The following MRPS33 variants were observed in gnomAD, a reference collection of about 807,000 sequenced individuals.
MRPS33 encodes small ribosomal subunit protein mS33.
Under a neutral mutation model 11.2 loss-of-function variants are expected in MRPS33, and 11 were observed. The observed-to-expected ratio is 0.99, with a 90% confidence interval of 0.62 to 1.63. MRPS33 has a LOEUF of 1.63. Ranked by LOEUF, MRPS33 falls within the 40% of genes most tolerant of loss-of-function variation. The pLI is 0.00. For synonymous variants in MRPS33, 46 were observed against 44.0 expected, an observed-to-expected ratio of 1.05 and a Z score of -0.18; for missense variants, 109 against 127.8, an observed-to-expected ratio of 0.85 and a Z score of 0.71.
chr7:141,006,116 T>G lies in MRPS33; in HGVS notation c.*314A>C. 1 of 340,762 alleles carries G rather than the reference T, an allele frequency of 2.9e-6. No individual in the cohort carries two copies. Among genetic ancestry groups the G allele is most frequent in the Admixed American group, 4.5e-5 (1 of 22,316 alleles). 21.1% of individuals were successfully genotyped at this position (340,762 alleles called of 1,614,324 possible). A position where few individuals can be genotyped will look rare whatever the true frequency, so the allele number is the denominator to read the frequency against. ...CTATAGGATGCTCACTTAATGAGGT[T>G]TCCCCTCCATTCCCCCAGCATCCCA... is the stretch of plus-strand genomic sequence containing the variant. On this transcript the variant is annotated 3_prime_UTR_variant, in exon 3 of 3. Coordinates refer to ENST00000324787, the MANE Select transcript of MRPS33 (RefSeq NM_053035.3).
chr7:141,006,076 G>T lies in MRPS33; in HGVS notation c.*354C>A. 1 of 193,904 alleles carries T rather than the reference G, an allele frequency of 5.2e-6. No individual in the cohort carries two copies. Among genetic ancestry groups the T allele is most frequent in the Non-Finnish European group, 1.1e-5 (1 of 95,144 alleles). 12.0% of individuals were successfully genotyped at this position (193,904 alleles called of 1,614,324 possible). A position where few individuals can be genotyped will look rare whatever the true frequency, so the allele number is the denominator to read the frequency against. ...GCTGGGTGAGTCAGTAAGCAAGAAG[G>T]GAGAAATGAGGACACTATAGGATGC... On this transcript the variant is annotated 3_prime_UTR_variant, in exon 3 of 3. Coordinates refer to ENST00000324787, the MANE Select transcript of MRPS33 (RefSeq NM_053035.3).
At chr7:141,012,173 C>CCAAAAAAAAA (rs1820690710) in intron 1 of MRPS33, among the ~76,000 whole-genome samples, 1 of 58,782 alleles carries the variant, frequency 1.7e-5, no homozygotes, top group African/African-American at 8.0e-5. Context: ...GATTGTGTGT[C>CCAAAAAAAAA]AAAAAAAAAA....
Position 141,006,376 on chromosome 7 carries a change from C to G in MRPS33, c.*54G>C. On this transcript the variant is annotated 3_prime_UTR_variant, in exon 3 of 3. Transcript: ENST00000324787. ...CCAATAGGTGGAAAGACAATAAATG[C>G]ACTTTCTTCTCTCCGCCACTGAGGA... 1 of 1,427,184 alleles carries G rather than the reference C, an allele frequency of 7.0e-7. No homozygotes were observed. The highest frequency in any genetic ancestry group is 2.3e-5 in the East Asian group (1 of 43,952). The allele number at this position is 1,427,184 out of a possible 1,614,324, so 88.4% of individuals were successfully genotyped here.
intron 1 of MRPS33, 155 bp downstream of exon 1, chr7:141,014,756 C>T (rs1820758993): frequency 6.6e-6 from 1 of 152,154 alleles, no homozygotes; most frequent in Non-Finnish European, 1.5e-5. Flanking sequence ...CAGAAAAAGG[C>T]CAAGTTATTT....
At chr7:141,013,908 A>T (rs1820738493) in intron 1 of MRPS33, among the ~76,000 whole-genome samples, 1 of 152,224 alleles carries the variant, frequency 6.6e-6, no homozygotes, top group Non-Finnish European at 1.5e-5. Context: ...AAAGGTAAAG[A>T]TGAAGTGCAA....
intron 1 of MRPS33, among the ~76,000 whole-genome samples, chr7:141,011,433 C>A (rs568696705): frequency 6.6e-6 from 1 of 152,232 alleles, no homozygotes; most frequent in South Asian, 2.1e-4. Context: ...CAGAGACATA[C>A]AACACTGAAA....
intron 2 of MRPS33, among the ~76,000 whole-genome samples, chr7:141,008,324 A>G (rs1473685973): frequency 1.3e-5 from 2 of 152,230 alleles, no homozygotes; most frequent in Non-Finnish European, 2.9e-5. Flanking sequence ...TTCATGGGTT[A>G]TAATCTTCTC....
At chr7:141,012,710 A>T (rs1326849159) in intron 1 of MRPS33, among the ~76,000 whole-genome samples, 1 of 152,218 alleles carries the variant, frequency 6.6e-6, no homozygotes, top group Non-Finnish European at 1.5e-5. Flanking sequence ...ACAGTTAGTT[A>T]TCTGTAAGCT....
chr7:141,006,498 G>A lies in MRPS33; in HGVS notation c.253C>T (p.Leu85=). 1 of 1,613,880 alleles carries A rather than the reference G, an allele frequency of 6.2e-7. No individual in the cohort carries two copies. The highest frequency in any genetic ancestry group is 1.1e-5 in the South Asian group (1 of 91,078). ...HQDFMDEQKR[L]KKLRGKEKPK... ...TTCTCCTTTCCACGAAGCTTCTTTAGTCGTTTTTGCTCATCCATAAAATCC... is the reference window on the plus strand; with the variant it reads ...TTCTCCTTTCCACGAAGCTTCTTTAATCGTTTTTGCTCATCCATAAAATCC... The change falls in exon 3 of 3, where the codon CTA becomes TTA. Residue 85 remains leucine, a synonymous_variant. Coordinates refer to ENST00000324787, the MANE Select transcript of MRPS33 (RefSeq NM_053035.3).
chr7:141,006,671 T>C (rs979819416), intron 2 of MRPS33, 136 bp from the exon 3 acceptor site: 1 of 720,628 alleles, frequency 1.4e-6, no homozygotes, highest in African/African-American at 1.8e-5. Context: ...ATGCTCAGCT[T>C]GGTGAACAAA....
In MRPS33 at chr7:141,005,915, C is replaced by T. The variant is rs921110403; in HGVS notation, c.*515G>A. ...TCTTGTACAGAGCAGGTATTCAATA[C>T]TTCCTTTTAAAAGATACTTACTCTA... is the stretch of plus-strand genomic sequence containing the variant. On this transcript the variant is annotated 3_prime_UTR_variant, in exon 3 of 3. Coordinates refer to ENST00000324787, the MANE Select transcript of MRPS33 (RefSeq NM_053035.3). The T allele has an allele frequency of 2.6e-5, 4 of 156,514 alleles. No homozygotes were observed. The highest frequency in any genetic ancestry group is 9.6e-5 in the African/African-American group (4 of 41,452). 9.7% of individuals were successfully genotyped at this position (156,514 alleles called of 1,614,324 possible). A position where few individuals can be genotyped will look rare whatever the true frequency, so the allele number is the denominator to read the frequency against.
intron 1 of MRPS33, among the ~76,000 whole-genome samples, chr7:141,011,700 G>T (rs1820677316): frequency 6.6e-6 from 1 of 152,008 alleles, no homozygotes; most frequent in Non-Finnish European, 1.5e-5. Flanking sequence ...TGATATTCAA[G>T]CAGGAAAAAG....
rs369862542 is a variant in MRPS33, at chr7:141,010,443, G to A, written c.191C>T (p.Thr64Met). The change falls in exon 2 of 3, where the codon ACG becomes ATG. Residue 64 changes from threonine to methionine, a missense_variant. Physicochemically the swap from Thr to Met is moderately conservative, Grantham distance 81. Transcript: ENST00000324787. ...NHHTYAELMQ[T>M]LRFLGLYRDE... ...CCTGTAGAGTCCAAGAAATCGGAGC[G>A]TCTGCATGAGTTCAGCGTAAGTGTG... 148 of 1,614,032 alleles carry A rather than the reference G, an allele frequency of 9.2e-5. No individual in the cohort carries two copies. The highest frequency in any genetic ancestry group is 1.1e-4 in the Non-Finnish European group (133 of 1,180,046).
In MRPS33 at chr7:141,003,605, C is replaced by T. The variant is rs1820456183; in HGVS notation, c.*2825G>A. 6.6e-6 allele frequency: 1 copy of T among 152,260 alleles called. No homozygotes were observed. The highest frequency in any genetic ancestry group is 1.5e-5 in the Non-Finnish European group (1 of 68,054). 9.4% of individuals were successfully genotyped at this position (152,260 alleles called of 1,614,324 possible). On this transcript the variant is annotated 3_prime_UTR_variant, in exon 3 of 3. Transcript: ENST00000324787. The stretch of plus-strand genomic sequence containing the variant: ...AAGCTCTTCCATCGGCAAACCAATA[C>T]ATCGATTCTTTACTTGTTTTCCGAC...
At chr7:141,012,028 G>C (rs76954728) in intron 1 of MRPS33, among the ~76,000 whole-genome samples, 9,533 of 151,326 alleles carry the variant, frequency 0.063, 1,002 homozygotes, top group African/African-American at 0.22. Context: ...AAATTAGTCT[G>C]CTATGGTAGT....
chr7:141,006,390 C>T lies in MRPS33; in HGVS notation c.*40G>A, dbSNP rs565722227. 46 of 1,523,456 alleles carry T rather than the reference C, an allele frequency of 3.0e-5. No individual in the cohort carries two copies. The highest frequency in any genetic ancestry group is 6.7e-5 in the East Asian group (3 of 44,458). 94.4% of individuals were successfully genotyped at this position (1,523,456 alleles called of 1,614,324 possible). A position where few individuals can be genotyped will look rare whatever the true frequency, so the allele number is the denominator to read the frequency against. ...GACAATAAATGCACTTTCTTCTCTC[C>T]GCCACTGAGGAAGAAAGTCTCCCTC... is the stretch of plus-strand genomic sequence containing the variant. On this transcript the variant is annotated 3_prime_UTR_variant, in exon 3 of 3. Transcript: ENST00000324787.
At chr7:141,011,394 T>G (rs1358090224) in intron 1 of MRPS33, among the ~76,000 whole-genome samples, 5 of 152,244 alleles carry the variant, frequency 3.3e-5, no homozygotes, top group Non-Finnish European at 7.3e-5. Flanking sequence ...ACCTAAGTTC[T>G]TATCAGCTGG....
chr7:141,010,703 A>G, intron 1 of MRPS33, 43 bp from the exon 2 acceptor site: 2 of 1,409,076 alleles, frequency 1.4e-6, no homozygotes, highest in Non-Finnish European at 2.0e-6. Context: ...AGGGTAAGAA[A>G]TTCCAAGATT....
intron 1 of MRPS33, among the ~76,000 whole-genome samples, chr7:141,013,323 G>A (rs1207221102): frequency 6.6e-6 from 1 of 152,194 alleles, no homozygotes; most frequent in Non-Finnish European, 1.5e-5. Context: ...TACATAACTT[G>A]TAAGTAAAAA....
Sources: allele counts gnomAD v4.1 joint callset (sites outside exome capture counted in the v4.1 genomes callset), GRCh38; gene constraint gnomAD v4.1.1; transcripts MANE v1.5; gene names NCBI Gene and HGNC (gene_info 2026-07-23, HGNC 2026-07-21).